The following PARVG variants were observed in gnomAD, a reference collection of about 807,000 sequenced individuals.
The protein encoded by PARVG is parvin gamma.
Under a neutral mutation model 44.4 loss-of-function variants are expected in PARVG, and 36 were observed. The ratio of observed to expected loss-of-function variants is 0.81; its 90% CI spans 0.62 to 1.07. The LOEUF (loss-of-function observed/expected upper bound fraction) is 1.07, where lower values mean the gene tolerates loss of function less well. Among genes scored for constraint, PARVG ranks in the 50% least tolerant of loss-of-function variants. The pLI is 0.00. For missense variants in PARVG, 407 were observed against 407.4 expected, an observed-to-expected ratio of 1.00 and a Z score of 0.01; for synonymous variants, 170 against 174.1, an observed-to-expected ratio of 0.98 and a Z score of 0.19.
intron 8 of PARVG, among the ~76,000 whole-genome samples, chr22:44,193,449 TCA>T (rs2054576575): frequency 6.6e-6 from 1 of 152,078 alleles, no homozygotes; most frequent in Non-Finnish European, 1.5e-5. Context: ...GTGGGGGTGA[TCA>T]CACAGGTGTG....
intron 12 of PARVG, among the ~76,000 whole-genome samples, chr22:44,201,868 G>A (rs1303706436): frequency 3.3e-5 from 5 of 152,164 alleles, no homozygotes; most frequent in Admixed American, 6.5e-5. Context: ...GCCCGGGCAC[G>A]CTTTCCTCCT....
intron 11 of PARVG, among the ~76,000 whole-genome samples, chr22:44,197,843 T>A (rs1187292735): frequency 1.3e-5 from 2 of 152,226 alleles, no homozygotes; most frequent in African/African-American, 4.8e-5. Context: ...TTTATTATAT[T>A]TTATGTGGGT....
At position 44,187,912 on chromosome 22, in the gene PARVG, G is replaced by A. The variant is rs753807025; in HGVS notation, c.247+34G>A. The A allele has an allele frequency of 5.6e-6, 9 of 1,608,474 alleles. No individual in the cohort carries two copies. In the African/African-American group the frequency reaches 9.4e-5, roughly 17 times the overall value. On this transcript the variant is annotated intron_variant, in intron 5 of 13. Transcript: ENST00000444313. ...CTGTTTCTGGGGCTGCCTGGGCCTC[G>A]GCCCCATCCCCCTGACCTGGCCCCT...
chr22:44,189,317 A>G (rs1458351117), intron 6 of PARVG, 63 bp downstream of exon 6: 11 of 1,581,132 alleles, frequency 7.0e-6, no homozygotes, highest in Admixed American at 1.8e-5. Context: ...CTTCTGCTTC[A>G]GGCTTCTCAC....
chr22:44,177,980 T>C (rs759351032), upstream of PARVG, among the ~76,000 whole-genome samples: 10 of 152,260 alleles, frequency 6.6e-5, no homozygotes, highest in Non-Finnish European at 1.2e-4. Context: ...ACTTTTGGAG[T>C]TACCTTTCCA....
At chr22:44,198,441 C>G (rs2054646871) in intron 11 of PARVG, among the ~76,000 whole-genome samples, 180 bp from the exon 12 acceptor site, 1 of 152,216 alleles carries the variant, frequency 6.6e-6, no homozygotes, top group South Asian at 2.1e-4. Context: ...TACCAGGCAG[C>G]CTGAAACCAC....
upstream of PARVG, among the ~76,000 whole-genome samples, chr22:44,177,780 C>T (rs1308182294): frequency 6.6e-6 from 1 of 152,120 alleles, no homozygotes; most frequent in Non-Finnish European, 1.5e-5. Context: ...CCAGGAGGAT[C>T]ACTTAAGCCC....
chr22:44,186,401 G>C (rs1360993105), intron 4 of PARVG: 1 of 372,160 alleles, frequency 2.7e-6, no homozygotes, highest in Non-Finnish European at 5.4e-6. Flanking sequence ...GTGGGCTCCA[G>C]GCCTCTGTTT....
intron 12 of PARVG, among the ~76,000 whole-genome samples, chr22:44,199,534 C>G (rs2054676910): frequency 6.6e-6 from 1 of 152,206 alleles, no homozygotes; most frequent in Non-Finnish European, 1.5e-5. Flanking sequence ...TCCAACATAG[C>G]TCTTGCTTTC....
At chr22:44,174,727 C>T (rs951550477) in intron 1 of PARVG, among the ~76,000 whole-genome samples, 36 of 151,844 alleles carry the variant, frequency 2.4e-4, no homozygotes, top group African/African-American at 8.4e-4. Flanking sequence ...CAGAGTGAGA[C>T]TCTGCCTCAA....
At chr22:44,203,364 C>T (rs948822197) in intron 12 of PARVG, among the ~76,000 whole-genome samples, 5 of 152,172 alleles carry the variant, frequency 3.3e-5, no homozygotes, top group Non-Finnish European at 7.3e-5. Flanking sequence ...CATGTCTAGT[C>T]TTGAAGGTTC....
chr22:44,192,554 TG>T (rs1231913800), intron 8 of PARVG, among the ~76,000 whole-genome samples: 4 of 151,594 alleles, frequency 2.6e-5, no homozygotes, highest in African/African-American at 7.3e-5. Flanking sequence ...CCCCACCCAC[TG>T]GGGGGTGTGG....
At position 44,189,045 on chromosome 22, in the gene PARVG, G is replaced by A. The variant is rs907371395; in HGVS notation, c.248-69G>A. ...AAGCACCAGGCAGGCTCAGCCTCCTGGAGGGTCCCTGAGGTGCTCTCTGGT... is the reference window on the plus strand; with the variant it reads ...AAGCACCAGGCAGGCTCAGCCTCCTAGAGGGTCCCTGAGGTGCTCTCTGGT... On this transcript the variant is annotated intron_variant, in intron 5 of 13. Coordinates refer to ENST00000444313, the MANE Select transcript of PARVG (RefSeq NM_022141.7). The A allele has an allele frequency of 2.5e-6, 4 of 1,599,470 alleles. No homozygotes were observed. In the African/African-American group the frequency reaches 4.0e-5, roughly 16 times the overall value.
At position 44,189,107 on chromosome 22, in the gene PARVG, C is replaced by A. The variant is rs368687767; in HGVS notation, c.248-7C>A. The A allele has an allele frequency of 6.2e-7, 1 of 1,613,998 alleles. No individual in the cohort carries two copies. The highest frequency in any genetic ancestry group is 1.3e-5 in the African/African-American group (1 of 75,072). ...CAGGGGTCCTCACCACCCTCTCCTGCCTCCAGAGAGGCTGGCGGCGCTCAA... is the reference window on the plus strand; with the variant it reads ...CAGGGGTCCTCACCACCCTCTCCTGACTCCAGAGAGGCTGGCGGCGCTCAA... On this transcript the variant is annotated splice_polypyrimidine_tract_variant and splice_region_variant and intron_variant, in intron 5 of 13. Transcript: ENST00000444313.
upstream of PARVG, among the ~76,000 whole-genome samples, chr22:44,177,502 G>A (rs547327093): frequency 8.1e-4 from 124 of 152,298 alleles, 1 homozygote; most frequent in African/African-American, 3.0e-3. Flanking sequence ...GCCTCCTGTA[G>A]TCTGGAGTGG....
At chr22:44,204,642 C>T (rs1368714152) in intron 12 of PARVG, among the ~76,000 whole-genome samples, 1 of 152,274 alleles carries the variant, frequency 6.6e-6, no homozygotes, top group African/African-American at 2.4e-5. Flanking sequence ...CCTCTTGGCC[C>T]CTGGCGGGTT....
intron 11 of PARVG, among the ~76,000 whole-genome samples, chr22:44,198,122 A>G (rs1332355196): frequency 1.3e-5 from 2 of 152,246 alleles, no homozygotes; most frequent in African/African-American, 4.8e-5. Flanking sequence ...TCCTTCCAAT[A>G]TCCCATCCTG....
Position 44,190,598 on chromosome 22 carries a change from C to G in PARVG, c.436C>G (p.Leu146Val). 1.2e-6 allele frequency: 2 copies of G among 1,614,174 alleles called. No individual in the cohort carries two copies. The highest frequency in any genetic ancestry group is 1.7e-6 in the Non-Finnish European group (2 of 1,179,990). ...GTCTACCCTGCACCTCCTTGTGGCC[C>G]TGGCCAAGCGCTTCCAGCCCGACCT... ...LLSTLHLLVA[L>V]AKRFQPDLSL... Residue 146 changes from leucine to valine, a missense_variant, in exon 7 of 14, where the codon CTG becomes GTG. Transcript: ENST00000444313.
At chr22:44,181,424 G>C in intron 1 of PARVG, 2 of 982,742 alleles carry the variant, frequency 2.0e-6, no homozygotes, top group South Asian at 4.7e-5. Context: ...CCGGGGCGGG[G>C]TGTGGAGGTG....
Sources: gnomAD v4.1 joint callset for allele counts (sites outside exome capture counted in the v4.1 genomes callset) on GRCh38, gnomAD v4.1.1 for gene constraint, MANE v1.5 for transcripts, NCBI Gene and HGNC (gene_info 2026-07-23, HGNC 2026-07-21) for gene names.